The following PCDHGA1 variants were observed in gnomAD, a reference collection of about 807,000 sequenced individuals.
The protein encoded by PCDHGA1 is protocadherin gamma-A1.
A neutral mutation model predicts 58.0 loss-of-function variants in PCDHGA1; 32 were observed. The ratio of observed to expected loss-of-function variants is 0.55; its 90% CI spans 0.42 to 0.74. The LOEUF is 0.74. Among genes scored for constraint, PCDHGA1 ranks in the 30% least tolerant of loss-of-function variants. PCDHGA1 has a pLI of 0.00. For missense variants in PCDHGA1, 1,205 were observed against 1,182.3 expected (o/e 1.02, Z -0.28); for synonymous variants, 498 against 501.1 (o/e 0.99, Z 0.08).
In PCDHGA1 at chr5:141,331,927, A is replaced by G; in HGVS notation, c.1243A>G (p.Ile415Val). The change falls in exon 1 of 4, where the codon ATC becomes GTC. Residue 415 changes from isoleucine (I) to valine (V), a missense_variant. Physicochemically the swap from Ile to Val is conservative, Grantham distance 29. Coordinates refer to ENST00000517417, the MANE Select transcript of PCDHGA1 (RefSeq NM_018912.3). ...TGAAAGAACACTGGACAGAGAACTT[A>G]TCTCTGGGTACAACATCACAATAAC... ...VTERTLDREL[I>V]SGYNITITAI... 6.2e-7 allele frequency: 1 copy of G among 1,614,156 alleles called. No individual in the cohort carries two copies. Among genetic ancestry groups the G allele is most frequent in the Non-Finnish European group, 8.5e-7 (1 of 1,180,016 alleles).
Position 141,444,152 on chromosome 5 carries a change from ATTTTTTTTTTTTTTTTT to A in PCDHGA1, c.2422-50635_2422-50619del, listed in dbSNP as rs747671382. Among the ~76,000 whole-genome samples, 167 of 33,906 alleles carry A rather than the reference ATTTTTTTTTTTTTTTTT, an allele frequency of 4.9e-3. 1 individual carries two copies. The highest frequency in any genetic ancestry group is 7.0e-3 in the Non-Finnish European group (136 of 19,318). The allele number at this position is 33,906 out of a possible 152,430, so 22.2% of individuals were successfully genotyped here. A position where few individuals can be genotyped will look rare whatever the true frequency, so the allele number is the denominator to read the frequency against. On this transcript the variant is annotated intron_variant, in intron 1 of 3. Coordinates refer to ENST00000517417, the MANE Select transcript of PCDHGA1 (RefSeq NM_018912.3). ...GATATGTGTCACTTGTGTGTACTGG[ATTTTTTTTTTTTTTTTT>A]TTTTTTTTTTTTTTTTTTTGAGATG...
intron 1 of PCDHGA1, chr5:141,370,661 T>C (rs2149968382): frequency 6.2e-7 from 1 of 1,613,892 alleles, no homozygotes; most frequent in African/African-American, 1.3e-5. Flanking sequence ...TGAGCGACCG[T>C]ATAGACCGAG....
intron 1 of PCDHGA1, chr5:141,344,402 T>G: frequency 1.9e-6 from 3 of 1,611,464 alleles, no homozygotes; most frequent in Non-Finnish European, 2.5e-6. Flanking sequence ...AAATAGAAAT[T>G]AAAGATATTA....
Position 141,431,669 on chromosome 5 carries a change from A to G in PCDHGA1, c.2422-63138A>G, listed in dbSNP as rs2154554523. ...TTGTAATTCAGGGACAATATCAACA[A>G]TAGGGGAGTTGGACCACGAGGAGTC... On this transcript the variant is annotated intron_variant, in intron 1 of 3. Transcript: ENST00000517417. The surrounding 1 kb of genome is among the most constrained non-coding windows in gnomAD (Gnocchi z 4.8). 2 of 1,614,210 alleles carry G rather than the reference A, an allele frequency of 1.2e-6. No individual in the cohort carries two copies. Among genetic ancestry groups the G allele is most frequent in the South Asian group, 1.1e-5 (1 of 91,084 alleles).
At chr5:141,444,492 T>C (rs1052885639) in intron 1 of PCDHGA1, among the ~76,000 whole-genome samples, 1 of 152,122 alleles carries the variant, frequency 6.6e-6, no homozygotes, top group East Asian at 1.9e-4. Context: ...TTATATTGTG[T>C]AATACTTTGC....
chr5:141,351,871 G>C, intron 1 of PCDHGA1: 3 of 1,613,256 alleles, frequency 1.9e-6, no homozygotes, highest in Non-Finnish European at 2.5e-6. Context: ...GCTCCCCCGC[G>C]CTCAGCGCCA....
rs975969911 is a variant in PCDHGA1 at position 141,333,020 on chromosome 5, T to C, written c.2336T>C (p.Leu779Pro). 2.5e-6 allele frequency: 4 copies of C among 1,613,996 alleles called. No individual in the cohort carries two copies. The African/African-American group carries it at 5.3e-5, about 22-fold the overall frequency. The change falls in exon 1 of 4, where the codon CTC (leucine) becomes CCC (proline). Residue 779 changes from leucine to proline, a missense_variant. Transcript: ENST00000517417. ...CCCCAGCCCAACTATGCGGACACAC[T>C]CATCAGCCAGGAGAGCTGTGAGAAA... is the stretch of plus-strand genomic sequence containing the variant. The part of the protein sequence containing the change: ...IFPQPNYADT[L>P]ISQESCEKKG...
At chr5:141,372,612 C>T (rs773605439) in intron 1 of PCDHGA1, 2 of 1,614,004 alleles carry the variant, frequency 1.2e-6, no homozygotes, top group Non-Finnish European at 1.7e-6. Context: ...ACCTGGAGTT[C>T]TCCCCACCTA....
intron 1 of PCDHGA1, among the ~76,000 whole-genome samples, chr5:141,472,980 C>CAAAAAAAAAAAAAAAA (rs60579131): frequency 2.8e-4 from 24 of 86,024 alleles, no homozygotes; most frequent in East Asian, 1.2e-3. Context: ...GAGTGAAACT[C>CAAAAAAAAAAAAAAAA]AAAAAAAAAA....
rs549924049 is a variant in PCDHGA1 at position 141,345,435 on chromosome 5, G to A, written c.2421+12330G>A. The A allele has an allele frequency of 1.3e-5, 21 of 1,613,972 alleles. 1 individual carries two copies. The South Asian group carries it at 2.3e-4, about 18-fold the overall frequency. On this transcript the variant is annotated intron_variant, in intron 1 of 3. Coordinates refer to ENST00000517417, the MANE Select transcript of PCDHGA1 (RefSeq NM_018912.3). ...CTACATTCCAGAAAACAACCCCAGA[G>A]GAGCCTCCATCTTCTCAGTGACAGC...
intron 3 of PCDHGA1, 89 bp from the exon 4 acceptor site, chr5:141,510,858 T>G: frequency 6.2e-7 from 1 of 1,606,182 alleles, no homozygotes; most frequent in Non-Finnish European, 8.5e-7. Context: ...GGGTGCTGTA[T>G]AGGCATTCAT....
chr5:141,345,461 C>A, intron 1 of PCDHGA1: 1 of 1,614,160 alleles, frequency 6.2e-7, no homozygotes, highest in Non-Finnish European at 8.5e-7. Flanking sequence ...CAGTGACAGC[C>A]CAGGACCCAG....
rs768812729 is a variant in PCDHGA1, at chr5:141,491,543, A to T, written c.2422-3264A>T. 2.5e-6 allele frequency: 4 copies of T among 1,613,842 alleles called. No individual in the cohort carries two copies. The highest frequency in any genetic ancestry group is 3.4e-6 in the Non-Finnish European group (4 of 1,179,982). The stretch of plus-strand genomic sequence containing the variant: ...ATGGAGGTGACGCTGCGGCCCACAG[A>T]CTCGCAGAGCCACTGCTACAGGACG... On this transcript the variant is annotated intron_variant, in intron 1 of 3. Transcript: ENST00000517417. This position sits in a 1 kb window ranked among gnomAD's most constrained non-coding sequence, Gnocchi z 6.9.
At chr5:141,424,959 C>A (rs1561817087) in intron 1 of PCDHGA1, among the ~76,000 whole-genome samples, 4 of 152,152 alleles carry the variant, frequency 2.6e-5, no homozygotes, top group Non-Finnish European at 5.9e-5. Flanking sequence ...TAGGTATTTG[C>A]CCCAAATTAC....
chr5:141,500,499 G>T lies in PCDHGA1; in HGVS notation c.2481-4894G>T, dbSNP rs531501031. On this transcript the variant is annotated intron_variant, in intron 2 of 3. Transcript: ENST00000517417. ...GCTGGGATTACAGGCGTGAGCCACC[G>T]CGCCTGGCCGAGCTTCATTTTAAAA... Among the ~76,000 whole-genome samples, 24 of 152,088 alleles carry T rather than the reference G, an allele frequency of 1.6e-4. 1 individual carries two copies. In the Middle Eastern group the frequency reaches 0.01, roughly 65 times the overall value.
At chr5:141,505,935 C>T (rs2099849264) in intron 3 of PCDHGA1, among the ~76,000 whole-genome samples, 1 of 152,146 alleles carries the variant, frequency 6.6e-6, no homozygotes, top group African/African-American at 2.4e-5. Flanking sequence ...CGCTTGGAAG[C>T]CCTCAAGCAA....
intron 1 of PCDHGA1, chr5:141,408,156 T>C: frequency 6.6e-7 from 1 of 1,512,436 alleles, no homozygotes; most frequent in Non-Finnish European, 8.9e-7. Context: ...TAGAGTGCAC[T>C]TTCTCCAACT....
At chr5:141,376,318 G>A (rs373956139) in intron 1 of PCDHGA1, 28 of 1,614,082 alleles carry the variant, frequency 1.7e-5, no homozygotes, top group Non-Finnish European at 1.9e-5. Context: ...GCGTGGAAGG[G>A]GTTCGGGCTT....
At chr5:141,394,855 C>A in intron 1 of PCDHGA1, 1 of 1,613,778 alleles carries the variant, frequency 6.2e-7, no homozygotes, top group Non-Finnish European at 8.5e-7. Flanking sequence ...CTGAAGCCTT[C>A]GGTCGACCCG....
Sources: gnomAD v4.1 joint callset for allele counts (sites outside exome capture counted in the v4.1 genomes callset) on GRCh38, gnomAD v4.1.1 for gene constraint, Gnocchi (gnomAD v3.1) non-coding constraint, MANE v1.5 for transcripts, NCBI Gene and HGNC (gene_info 2026-07-23, HGNC 2026-07-21) for gene names.